Variants in MGAT4C observed in about 807,000 individuals in gnomAD.
MGAT4C encodes the protein MGAT4 family member C, also known as alpha-1,3-mannosyl-glycoprotein 4-beta-N-acetylglucosaminyltransferase C.
MGAT4C carries 19 observed loss-of-function variants against 40.1 expected under a neutral mutation model. That is an observed-to-expected ratio of 0.47 (90% confidence interval 0.33 to 0.70). The LOEUF is 0.70. Among genes scored for constraint, MGAT4C ranks in the 30% least tolerant of loss-of-function variants. The pLI is 0.02. For missense variants in MGAT4C, 491 were observed against 563.2 expected, an observed-to-expected ratio of 0.87 and a Z score of 1.30; for synonymous variants, 181 against 187.1, an observed-to-expected ratio of 0.97 and a Z score of 0.27.
chr12:86,010,476 G>A (rs559404595), intron 2 of MGAT4C, among the ~76,000 whole-genome samples: 12 of 152,208 alleles, frequency 7.9e-5, no homozygotes, highest in Admixed American at 1.3e-4. Flanking sequence ...TCAAGAGTTT[G>A]AGACCAACCT....
intron 1 of MGAT4C, among the ~76,000 whole-genome samples, chr12:86,747,847 G>A (rs1454308423): frequency 5.3e-5 from 8 of 151,536 alleles, no homozygotes; most frequent in Admixed American, 2.6e-4. Context: ...TGAGTTGTGC[G>A]TATGAGGAAG....
intron 4 of MGAT4C, among the ~76,000 whole-genome samples, chr12:86,308,608 T>A (rs1189128877): frequency 6.6e-6 from 1 of 150,688 alleles, no homozygotes; most frequent in African/African-American, 2.5e-5. Context: ...CTAATAGTGA[T>A]GGTAATAATT....
At chr12:86,362,164 G>A (rs930142233) in intron 3 of MGAT4C, among the ~76,000 whole-genome samples, 10 of 152,208 alleles carry the variant, frequency 6.6e-5, no homozygotes, top group African/African-American at 2.4e-4. Context: ...CCATAAAAAC[G>A]GATGAGTTTC....
intron 2 of MGAT4C, among the ~76,000 whole-genome samples, chr12:86,567,243 T>A (rs1391251157): frequency 6.6e-6 from 1 of 152,042 alleles, no homozygotes; most frequent in Non-Finnish European, 1.5e-5. Context: ...CAGTAGCAAT[T>A]TTTTTGTTTC....
chr12:86,490,858 G>C (rs1349665921), intron 2 of MGAT4C, among the ~76,000 whole-genome samples: 2 of 152,112 alleles, frequency 1.3e-5, no homozygotes, highest in African/African-American at 2.4e-5. Flanking sequence ...AACAAGAAGA[G>C]CTAACTATCC....
intron 1 of MGAT4C, among the ~76,000 whole-genome samples, chr12:86,085,782 T>A (rs567998932): frequency 6.6e-6 from 1 of 152,108 alleles, no homozygotes; most frequent in Admixed American, 6.6e-5. Flanking sequence ...AACACATATA[T>A]AAGAAAAAGC....
chr12:86,338,692 G>C (rs942884501), intron 3 of MGAT4C, among the ~76,000 whole-genome samples: 1 of 152,104 alleles, frequency 6.6e-6, no homozygotes, highest in African/African-American at 2.4e-5. Flanking sequence ...AGTTTCAGTG[G>C]CTGACGCCTT....
At chr12:86,633,460 C>T (rs1963124810) in intron 2 of MGAT4C, among the ~76,000 whole-genome samples, 1 of 152,034 alleles carries the variant, frequency 6.6e-6, no homozygotes, top group Admixed American at 6.6e-5. Context: ...TGGTGGCATA[C>T]TTTGCAGGCC....
At chr12:86,716,599 T>A (rs954825404) in intron 2 of MGAT4C, among the ~76,000 whole-genome samples, 12 of 152,124 alleles carry the variant, frequency 7.9e-5, no homozygotes, top group Non-Finnish European at 1.2e-4. Flanking sequence ...AAGTTATTAA[T>A]AGTTTGCCAA....
At chr12:86,614,647 A>AT (rs201634007) in intron 2 of MGAT4C, among the ~76,000 whole-genome samples, 6,936 of 151,430 alleles carry the variant, frequency 0.046, 509 homozygotes, top group African/African-American at 0.16. Flanking sequence ...ATATTTGCAA[A>AT]AATATATATA....
chr12:86,512,492 G>C (rs1311627592), intron 2 of MGAT4C, among the ~76,000 whole-genome samples: 2 of 152,134 alleles, frequency 1.3e-5, no homozygotes, highest in East Asian at 3.9e-4. Flanking sequence ...AATGATACTT[G>C]GAGTATCATT....
chr12:85,994,617 C>G (rs1160499308), intron 2 of MGAT4C, among the ~76,000 whole-genome samples: 1 of 151,648 alleles, frequency 6.6e-6, no homozygotes, highest in South Asian at 2.1e-4. Flanking sequence ...AAAAAAATCC[C>G]CCCCCAGCCG....
At chr12:86,401,989 G>A (rs571401306) in intron 3 of MGAT4C, among the ~76,000 whole-genome samples, 1 of 151,950 alleles carries the variant, frequency 6.6e-6, no homozygotes, top group African/African-American at 2.4e-5. Flanking sequence ...TATCATTTTT[G>A]TAAAACTGCA....
intron 2 of MGAT4C, among the ~76,000 whole-genome samples, chr12:86,511,627 G>A (rs529111667): frequency 6.6e-6 from 1 of 152,110 alleles, no homozygotes; most frequent in East Asian, 1.9e-4. Context: ...TCTTTGATCG[G>A]GGGCTAAGAA....
At chr12:86,083,220 G>A (rs1871165127) in intron 1 of MGAT4C, among the ~76,000 whole-genome samples, 1 of 151,840 alleles carries the variant, frequency 6.6e-6, no homozygotes, top group East Asian at 1.9e-4. Context: ...TTCATTCATA[G>A]GGGCATTGAC....
rs76776917 is a variant in MGAT4C, at chr12:86,559,431, G to A, written c.-228-124166C>T. ...ATATTAGTCCACAAAAAAACATAAAGATACCAAAATCATATCAAATAATCT... is the reference window on the plus strand; with the variant it reads ...ATATTAGTCCACAAAAAAACATAAAAATACCAAAATCATATCAAATAATCT... On this transcript the variant is annotated intron_variant, in intron 2 of 7. Coordinates refer to the MGAT4C transcript ENST00000548651. Among the ~76,000 whole-genome samples, 55 of 151,742 alleles carry A rather than the reference G, an allele frequency of 3.6e-4. No homozygotes were observed. In the East Asian group the frequency reaches 9.1e-3, roughly 25 times the overall value.
chr12:86,707,648 G>A lies in MGAT4C; in HGVS notation c.-229+19561C>T, dbSNP rs967086562. On this transcript the variant is annotated intron_variant, in intron 2 of 7. Coordinates refer to the MGAT4C transcript ENST00000548651. ...CAGATTCAAGTGATTCTCCTGCCTC[G>A]GCCTCCCAAGTAGCTGGGGTTACAG... 1.2e-4 allele frequency among the ~76,000 whole-genome samples: 18 copies of A among 151,364 alleles called. No homozygotes were observed. The East Asian group carries it at 1.8e-3, about 15-fold the overall frequency.
rs549201140 is a variant in MGAT4C at position 85,961,394 on chromosome 12, G to C, written c.*17895C>G. On this transcript the variant is annotated 3_prime_UTR_variant, in exon 5 of 5. Transcript: ENST00000611864. Reference sequence around the variant, plus strand: ...CCATTTTTGGAGAGTAAAAATTTAAGAAACAAAGGGAATGTGTCTGGGGAT... The same window carrying C: ...CCATTTTTGGAGAGTAAAAATTTAACAAACAAAGGGAATGTGTCTGGGGAT... 1.9e-4 allele frequency: 29 copies of C among 151,766 alleles called. No homozygotes were observed. Among genetic ancestry groups the C allele is most frequent in the Non-Finnish European group, 3.8e-4 (26 of 67,720 alleles). 9.4% of individuals were successfully genotyped at this position (151,766 alleles called of 1,614,324 possible).
At chr12:86,056,552 AG>A (rs1259511899) in intron 1 of MGAT4C, among the ~76,000 whole-genome samples, 1 of 152,172 alleles carries the variant, frequency 6.6e-6, no homozygotes, top group Non-Finnish European at 1.5e-5. Flanking sequence ...GTCCCTGCAA[AG>A]CACATGAACT....
Sources: allele counts gnomAD v4.1 joint callset (sites outside exome capture counted in the v4.1 genomes callset), GRCh38; gene constraint gnomAD v4.1.1; transcripts MANE v1.5; gene names NCBI Gene and HGNC (gene_info 2026-07-23, HGNC 2026-07-21).